The following NKAIN3 variants were observed in gnomAD, a reference collection of about 807,000 sequenced individuals.
The protein encoded by NKAIN3 is sodium/potassium transporting ATPase interacting 3.
NKAIN3 carries 25 observed loss-of-function variants against 30.2 expected under a neutral mutation model. The observed-to-expected ratio is 0.83, with a 90% CI of 0.60 to 1.16. The LOEUF (loss-of-function observed/expected upper bound fraction) is 1.16, where lower values mean the gene tolerates loss of function less well. NKAIN3 is among the 50% of genes most tolerant of loss of function. The probability of loss-of-function intolerance (pLI) is 0.00; values close to 1 mark genes in which losing one functional copy is unlikely to be tolerated. For missense variants in NKAIN3, 225 were observed against 254.1 expected (o/e 0.89, Z 0.78); for synonymous variants, 91 against 89.6 (o/e 1.02, Z -0.09).
chr8:62,732,790 T>A (rs1424396214), intron 3 of NKAIN3, among the ~76,000 whole-genome samples: 1 of 152,084 alleles, frequency 6.6e-6, no homozygotes, highest in African/African-American at 2.4e-5. Context: ...GATACTAGTA[T>A]AATTATATCA....
intron 4 of NKAIN3, among the ~76,000 whole-genome samples, chr8:62,812,173 C>T (rs1818508020): frequency 6.6e-6 from 1 of 151,688 alleles, no homozygotes; most frequent in Admixed American, 6.6e-5. Flanking sequence ...TTCTGGATTC[C>T]CCTTTTTGTT....
chr8:62,783,098 C>A (rs778065487), intron 4 of NKAIN3, among the ~76,000 whole-genome samples: 1 of 151,858 alleles, frequency 6.6e-6, no homozygotes. Flanking sequence ...TAAAATAAAA[C>A]TTTTTAAGTT....
chr8:62,315,479 G>T (rs1814588904), intron 1 of NKAIN3, among the ~76,000 whole-genome samples: 1 of 152,174 alleles, frequency 6.6e-6, no homozygotes, highest in South Asian at 2.1e-4. Context: ...GATTTTGCAA[G>T]ATAAATCTTT....
intron 4 of NKAIN3, among the ~76,000 whole-genome samples, chr8:62,783,098 C>T (rs778065487): frequency 1.3e-5 from 2 of 151,976 alleles, no homozygotes; most frequent in Middle Eastern, 3.4e-3. Flanking sequence ...TAAAATAAAA[C>T]TTTTTAAGTT....
chr8:62,804,414 A>C (rs1789365538), intron 4 of NKAIN3, among the ~76,000 whole-genome samples: 1 of 152,206 alleles, frequency 6.6e-6, no homozygotes, highest in Admixed American at 6.5e-5. Context: ...AAATACTGGC[A>C]AACCAAATCC....
At chr8:62,249,637 G>A (rs1418693754) in intron 1 of NKAIN3, among the ~76,000 whole-genome samples, 2 of 152,070 alleles carry the variant, frequency 1.3e-5, no homozygotes, top group African/African-American at 2.4e-5. Flanking sequence ...CCTTAAGCAG[G>A]TTGAAAAGTG....
intron 3 of NKAIN3, among the ~76,000 whole-genome samples, chr8:62,715,222 A>G (rs1009381114): frequency 1.3e-5 from 2 of 152,168 alleles, no homozygotes; most frequent in Non-Finnish European, 2.9e-5. Context: ...CTCCTCCAAC[A>G]TTGGAGATTA....
intron 1 of NKAIN3, among the ~76,000 whole-genome samples, chr8:62,453,609 T>C (rs1805718816): frequency 6.6e-6 from 1 of 151,938 alleles, no homozygotes; most frequent in Non-Finnish European, 1.5e-5. Flanking sequence ...TTGGAAGAAT[T>C]AATAAGATAG....
intron 4 of NKAIN3, among the ~76,000 whole-genome samples, chr8:62,780,392 A>G (rs1197497297): frequency 1.3e-5 from 2 of 152,152 alleles, no homozygotes; most frequent in East Asian, 3.9e-4. Flanking sequence ...CCCTCAAACT[A>G]TCCTAAAAAT....
intron 1 of NKAIN3, among the ~76,000 whole-genome samples, chr8:62,571,464 C>T (rs1457217017): frequency 1.3e-5 from 2 of 152,132 alleles, no homozygotes; most frequent in East Asian, 1.9e-4. Context: ...TTTCCAGGCA[C>T]ACAGTGCAAG....
At chr8:62,815,857 GC>G (rs1818660193) in intron 4 of NKAIN3, among the ~76,000 whole-genome samples, 2 of 151,678 alleles carry the variant, frequency 1.3e-5, no homozygotes, top group African/African-American at 2.4e-5. Flanking sequence ...CATTGAATCT[GC>G]TGTTCCAATA....
intron 3 of NKAIN3, among the ~76,000 whole-genome samples, chr8:62,648,530 TAAGAAAGTC>T (rs1812533307): frequency 6.6e-6 from 1 of 151,628 alleles, no homozygotes; most frequent in African/African-American, 2.4e-5. Flanking sequence ...AGAAGTGAGG[TAAGAAAGTC>T]AAGAAAGTAA....
At chr8:62,520,157 C>T (rs1202103019) in intron 1 of NKAIN3, among the ~76,000 whole-genome samples, 1 of 152,098 alleles carries the variant, frequency 6.6e-6, no homozygotes, top group African/African-American at 2.4e-5. Context: ...TGTAGATATC[C>T]TTAAAATCCT....
chr8:62,942,550 C>T (rs1048240963), intron 5 of NKAIN3, among the ~76,000 whole-genome samples: 4 of 150,664 alleles, frequency 2.7e-5, no homozygotes, highest in African/African-American at 9.7e-5. Flanking sequence ...TCATGTGGAA[C>T]CAAAAAAGAG....
intron 1 of NKAIN3, chr8:62,344,805 A>C (rs975909667): frequency 1.6e-5 from 7 of 428,794 alleles, no homozygotes; most frequent in Non-Finnish European, 2.8e-5. Context: ...TTGTAGTTCC[A>C]TATGAATTTT....
chr8:62,684,404 G>A (rs914224869), intron 3 of NKAIN3, among the ~76,000 whole-genome samples: 8 of 152,184 alleles, frequency 5.3e-5, no homozygotes, highest in African/African-American at 1.9e-4. Flanking sequence ...CCCTAACAAA[G>A]TCTGTTCTCC....
chr8:62,517,223 G>A (rs936188043), intron 1 of NKAIN3, among the ~76,000 whole-genome samples: 19 of 152,006 alleles, frequency 1.2e-4, no homozygotes, highest in African/African-American at 1.7e-4. Flanking sequence ...TGCTGTTGAC[G>A]CAAGTACTGT....
intron 1 of NKAIN3, among the ~76,000 whole-genome samples, chr8:62,392,806 C>A (rs1253951533): frequency 6.6e-6 from 1 of 151,856 alleles, no homozygotes; most frequent in Non-Finnish European, 1.5e-5. Context: ...TTTAAAACTG[C>A]AGATTAGAAT....
chr8:62,434,679 G>T (rs1805115096), intron 1 of NKAIN3, among the ~76,000 whole-genome samples: 1 of 152,124 alleles, frequency 6.6e-6, no homozygotes. Flanking sequence ...TAAAGGAGAT[G>T]CCACTGTATT....
Sources: gnomAD v4.1 joint callset for allele counts (sites outside exome capture counted in the v4.1 genomes callset) on GRCh38, gnomAD v4.1.1 for gene constraint, MANE v1.5 for transcripts, NCBI Gene and HGNC (gene_info 2026-07-23, HGNC 2026-07-21) for gene names.